The following HS3ST6 variants were observed in gnomAD, a reference collection of about 807,000 sequenced individuals.
HS3ST6 encodes heparan sulfate-glucosamine 3-sulfotransferase 6.
Under a neutral mutation model 11.0 loss-of-function variants are expected in HS3ST6, and 13 were observed. The observed-to-expected ratio is 1.18, with a 90% confidence interval of 0.77 to 1.88. The LOEUF is 1.88. Ranked by LOEUF, HS3ST6 falls within the 40% of genes most tolerant of loss-of-function variation. HS3ST6 has a pLI of 0.00. For missense variants in HS3ST6, 541 were observed against 494.4 expected (o/e 1.09, Z -0.89); for synonymous variants, 232 against 230.6 (o/e 1.01, Z -0.06).
Position 1,915,466 on chromosome 16 carries a change from G to A in HS3ST6, c.413+2445C>T, listed in dbSNP as rs549406575. On this transcript the variant is annotated intron_variant, in intron 1 of 1. Coordinates refer to ENST00000454677, the MANE Select transcript of HS3ST6 (RefSeq NM_001009606.4). ...AATTTTTGTATTTTTAGTAGAGATG[G>A]GGTTTCACCATGTTAGTCAGGCTGG... Among the ~76,000 whole-genome samples, 561 of 152,246 alleles carry A rather than the reference G, an allele frequency of 3.7e-3. 4 individuals are homozygous for A. The highest frequency in any genetic ancestry group is 5.2e-3 in the Non-Finnish European group (351 of 68,008).
At chr16:1,920,923 G>A (rs1172574662), upstream of HS3ST6, among the ~76,000 whole-genome samples, 4 of 152,174 alleles carry the variant, frequency 2.6e-5, no homozygotes, top group South Asian at 2.1e-4. Context: ...AGGAGAGGTC[G>A]GGAAGGCTTT....
At chr16:1,916,139 G>A (rs116116044) in intron 1 of HS3ST6, among the ~76,000 whole-genome samples, 4,746 of 152,296 alleles carry the variant, frequency 0.031, 244 homozygotes, top group African/African-American at 0.1. Flanking sequence ...GCACCTAGGA[G>A]CACACCAGCC....
chr16:1,913,198 G>T (rs1335804018), intron 1 of HS3ST6, among the ~76,000 whole-genome samples: 1 of 152,378 alleles, frequency 6.6e-6, no homozygotes, highest in East Asian at 1.9e-4. Context: ...AGGAAAGTCG[G>T]AGACGTGGCG....
chr16:1,912,203 C>T lies in HS3ST6; in HGVS notation c.416G>A (p.Ser139Asn), dbSNP rs961036993. ...CYERGLAWYR[S>N]LMPRTLDGQI... Reference sequence around the variant, plus strand: ...CCCATCCAGGGTTCGGGGCATCAGACTCCTGCGGGACGGGTGCAAGGAGAG... The same window carrying T: ...CCCATCCAGGGTTCGGGGCATCAGATTCCTGCGGGACGGGTGCAAGGAGAG... The change falls in exon 2 of 2, where the codon AGT becomes AAT. Residue 139 changes from serine (S) to asparagine (N), a missense_variant and splice_region_variant. Coordinates refer to ENST00000454677, the MANE Select transcript of HS3ST6 (RefSeq NM_001009606.4). The surrounding 1 kb of genome is among the most constrained non-coding windows in gnomAD (Gnocchi z 5.6). The T allele has an allele frequency of 1.4e-6, 2 of 1,422,102 alleles. No individual in the cohort carries two copies. Among genetic ancestry groups the T allele is most frequent in the African/African-American group, 1.5e-5 (1 of 67,688 alleles). 88.1% of individuals were successfully genotyped at this position (1,422,102 alleles called of 1,614,324 possible).
intron 1 of HS3ST6, among the ~76,000 whole-genome samples, chr16:1,917,236 A>G (rs2082932093): frequency 6.6e-6 from 1 of 152,090 alleles, no homozygotes; most frequent in South Asian, 2.1e-4. Context: ...GCTGGGTCCA[A>G]GCTTGGGGAT....
intron 1 of HS3ST6, among the ~76,000 whole-genome samples, chr16:1,913,644 C>T (rs2082907336): frequency 1.3e-5 from 2 of 152,220 alleles, no homozygotes; most frequent in Non-Finnish European, 2.9e-5. Flanking sequence ...GACTCCTGCC[C>T]TCTGAGGGGG....
At chr16:1,920,486 C>T (rs2082958386), upstream of HS3ST6, among the ~76,000 whole-genome samples, 2 of 152,044 alleles carry the variant, frequency 1.3e-5, no homozygotes, top group South Asian at 2.1e-4. Flanking sequence ...GCAGTCCCTA[C>T]TCAGGACTTG....
At chr16:1,914,299 C>T (rs554564423) in intron 1 of HS3ST6, among the ~76,000 whole-genome samples, 1 of 152,286 alleles carries the variant, frequency 6.6e-6, no homozygotes, top group African/African-American at 2.4e-5. Flanking sequence ...TGGGTGGTGG[C>T]GGTACCAAGG....
At chr16:1,919,521 A>G (rs1199188360), upstream of HS3ST6, among the ~76,000 whole-genome samples, 1 of 152,242 alleles carries the variant, frequency 6.6e-6, no homozygotes, top group East Asian at 1.9e-4. Context: ...TCCTGGCCAC[A>G]GGGCTGGCGC....
At position 1,911,978 on chromosome 16, in the gene HS3ST6, C is replaced by T. The variant is rs1192268787; in HGVS notation, c.641G>A (p.Gly214Asp). The T allele has an allele frequency of 1.3e-6, 2 of 1,548,178 alleles. No homozygotes were observed. Among genetic ancestry groups the T allele is most frequent in the East Asian group, 2.3e-5 (1 of 44,132 alleles). ...GGCGCTCCAGGCTGTGTCCACGGGG[C>T]CCAGGCCGTGGCGGAAGGCCAGGGC... is the stretch of plus-strand genomic sequence containing the variant. The part of the protein sequence containing the change: ...FRALAFRHGL[G>D]PVDTAWSAVR... Residue 214 changes from glycine to aspartate, a missense_variant, in exon 2 of 2, where the codon GGC becomes GAC. Physicochemically the swap from Gly to Asp is moderately conservative, Grantham distance 94. Transcript: ENST00000454677.
chr16:1,916,786 G>T (rs1477600923), intron 1 of HS3ST6, among the ~76,000 whole-genome samples: 1 of 95,590 alleles, frequency 1.0e-5, no homozygotes, highest in African/African-American at 4.0e-5. Context: ...CTCCTCCCCA[G>T]CTTCTAGCTT....
At chr16:1,913,415 T>C (rs1475605288) in intron 1 of HS3ST6, among the ~76,000 whole-genome samples, 2 of 152,098 alleles carry the variant, frequency 1.3e-5, no homozygotes, top group African/African-American at 4.8e-5. Flanking sequence ...AGAGAGCCCA[T>C]TCTGGGTGCC....
rs1489493555 is a variant in HS3ST6 at position 1,912,991 on chromosome 16, C to A, written c.414-786G>T. Among the ~76,000 whole-genome samples, 1 of 152,118 alleles carries A rather than the reference C, an allele frequency of 6.6e-6. No individual in the cohort carries two copies. Among genetic ancestry groups the A allele is most frequent in the African/African-American group, 2.4e-5 (1 of 41,436 alleles). ...ATTTTTAGTAGAGACGGGGTTTCGC[C>A]ATGTTGGCCAGGCTGGTCTCGAACT... On this transcript the variant is annotated intron_variant, in intron 1 of 1. Coordinates refer to ENST00000454677, the MANE Select transcript of HS3ST6 (RefSeq NM_001009606.4). This position sits in a 1 kb window ranked among gnomAD's most constrained non-coding sequence, Gnocchi z 5.6.
chr16:1,916,763 T>A (rs1349100650), intron 1 of HS3ST6, among the ~76,000 whole-genome samples: 1 of 105,634 alleles, frequency 9.5e-6, no homozygotes, highest in Admixed American at 1.1e-4. Context: ...TCCTCCCCCG[T>A]CTCGCCACTC....
At position 1,917,993 on chromosome 16, in the gene HS3ST6, G is replaced by T. The variant is rs1301183930; in HGVS notation, c.331C>A (p.Arg111=). The T allele has an allele frequency of 4.5e-6, 7 of 1,553,218 alleles. 1 individual carries two copies. The East Asian group carries it at 1.7e-4, about 38-fold the overall frequency. Residue 111 remains arginine (R), a synonymous_variant, in exon 1 of 2, where the codon CGG becomes AGG. Transcript: ENST00000454677. The part of the protein sequence containing the change: ...GGTRALLEFL[R]LHPDVRALGS... ...AGCGCGCGGACGTCGGGGTGCAGCC[G>T]CAGAAACTCCAGCAGGGCGCGCGTG...
chr16:1,916,738 C>A (rs962530968), intron 1 of HS3ST6, among the ~76,000 whole-genome samples: 1 of 151,430 alleles, frequency 6.6e-6, no homozygotes, highest in Admixed American at 6.6e-5. Context: ...CCCCTTCCCC[C>A]TCCCGCCTCT....
At chr16:1,918,596 A>G (rs2082943997), upstream of HS3ST6, among the ~76,000 whole-genome samples, 1 of 150,902 alleles carries the variant, frequency 6.6e-6, no homozygotes, top group Non-Finnish European at 1.5e-5. This position sits in a 1 kb window ranked among gnomAD's most constrained non-coding sequence, Gnocchi z 6.0. Flanking sequence ...GACCACCAGG[A>G]CGCTCCTGCT....
At chr16:1,915,637 G>T (rs988202013) in intron 1 of HS3ST6, among the ~76,000 whole-genome samples, 5 of 152,214 alleles carry the variant, frequency 3.3e-5, no homozygotes, top group Non-Finnish European at 7.3e-5. Context: ...CCCAGACAGG[G>T]CACCCTTCCC....
At chr16:1,920,139 CGTCCCCAGGGTCTCAGGA>C (rs2082953875), upstream of HS3ST6, among the ~76,000 whole-genome samples, 2 of 75,264 alleles carry the variant, frequency 2.7e-5, no homozygotes, top group Non-Finnish European at 5.7e-5. Context: ...TGGTCTCAGC[CGTCCCCAGGGTCTCAGGA>C]GTCCCCACGG....
Sources: gnomAD v4.1 joint callset for allele counts (sites outside exome capture counted in the v4.1 genomes callset) on GRCh38, gnomAD v4.1.1 for gene constraint, Gnocchi (gnomAD v3.1) non-coding constraint, MANE v1.5 for transcripts, NCBI Gene and HGNC (gene_info 2026-07-23, HGNC 2026-07-21) for gene names.